ZCWPW2: variants seen among roughly 807,000 people sequenced by gnomAD.
ZCWPW2 encodes the protein zinc finger CW-type and PWWP domain containing 2, also known as zinc finger CW-type PWWP domain protein 2.
A neutral mutation model predicts 46.6 loss-of-function variants in ZCWPW2; 45 were observed. The ratio of observed to expected loss-of-function variants is 0.96; its 90% CI spans 0.76 to 1.24. The LOEUF is 1.24. Ranked by LOEUF, ZCWPW2 falls within the 50% of genes most tolerant of loss-of-function variation. The pLI is 0.00. For synonymous variants in ZCWPW2, 152 were observed against 137.1 expected (o/e 1.11, Z -0.76); for missense variants, 429 against 403.9 (o/e 1.06, Z -0.53).
chr3:28,424,098 C>T (rs59975750), intron 3 of ZCWPW2, among the ~76,000 whole-genome samples: 32,569 of 151,928 alleles, frequency 0.21, 4,287 homozygotes, highest in Non-Finnish European at 0.29. Flanking sequence ...TTTTACATTG[C>T]GTTTTTCAAC....
intron 3 of ZCWPW2, 108 bp from the exon 4 acceptor site, chr3:28,435,002 G>C: frequency 1.7e-6 from 2 of 1,172,018 alleles, no homozygotes; most frequent in Non-Finnish European, 2.4e-6. Context: ...TATGTTTTGT[G>C]AAAAGGCATT....
chr3:28,425,461 G>C (rs1696968645), intron 3 of ZCWPW2, among the ~76,000 whole-genome samples: 1 of 152,182 alleles, frequency 6.6e-6, no homozygotes, highest in South Asian at 2.1e-4. Context: ...AGCCATAGAT[G>C]TTGAAGCTCC....
intron 1 of ZCWPW2, among the ~76,000 whole-genome samples, chr3:28,359,304 T>G (rs759325669): frequency 2.0e-5 from 3 of 152,124 alleles, no homozygotes; most frequent in Non-Finnish European, 4.4e-5. Context: ...TTGTATTCAT[T>G]AAGTTTGAAC....
intron 6 of ZCWPW2, among the ~76,000 whole-genome samples, chr3:28,497,544 G>A (rs1399889362): frequency 6.6e-6 from 1 of 151,518 alleles, no homozygotes; most frequent in Admixed American, 6.6e-5. Flanking sequence ...TATTTCTATA[G>A]GATAGATCCC....
chr3:28,438,834 GA>G (rs1244973596), intron 4 of ZCWPW2, among the ~76,000 whole-genome samples: 1 of 151,902 alleles, frequency 6.6e-6, no homozygotes, highest in Non-Finnish European at 1.5e-5. Flanking sequence ...TAAGGAATTA[GA>G]AAACCTATAA....
chr3:28,355,464 A>G (rs1237284140), intron 1 of ZCWPW2, among the ~76,000 whole-genome samples: 1 of 152,268 alleles, frequency 6.6e-6, no homozygotes, highest in East Asian at 1.9e-4. Context: ...CCATCAAGCT[A>G]CTAATGACTT....
chr3:28,469,649 A>C (rs2125795408), intron 4 of ZCWPW2, among the ~76,000 whole-genome samples: 1 of 152,036 alleles, frequency 6.6e-6, no homozygotes, highest in East Asian at 1.9e-4. Flanking sequence ...ATGATAAAGG[A>C]GTTCATTCAT....
intron 2 of ZCWPW2, among the ~76,000 whole-genome samples, chr3:28,393,162 A>G (rs186158264): frequency 2.1e-4 from 32 of 152,228 alleles, no homozygotes; most frequent in Middle Eastern, 3.4e-3. Flanking sequence ...AGAAACTACT[A>G]TGAACAATTA....
chr3:28,367,136 C>G (rs955783637), intron 1 of ZCWPW2, among the ~76,000 whole-genome samples: 53 of 152,248 alleles, frequency 3.5e-4, no homozygotes, highest in African/African-American at 1.1e-3. Flanking sequence ...TTTTGTGTCT[C>G]TCTTTCCTTC....
intron 5 of ZCWPW2, among the ~76,000 whole-genome samples, chr3:28,490,531 G>A (rs112956389): frequency 4.7e-4 from 71 of 152,186 alleles, no homozygotes; most frequent in African/African-American, 1.6e-3. Flanking sequence ...ACATGTTTGG[G>A]ACTGGAGGCC....
chr3:28,397,618 C>T (rs1191226479), intron 2 of ZCWPW2, among the ~76,000 whole-genome samples: 2 of 151,946 alleles, frequency 1.3e-5, no homozygotes, highest in African/African-American at 4.8e-5. Flanking sequence ...TTCGGTGAGC[C>T]AAGATAGCAT....
In ZCWPW2 at chr3:28,381,054, A is replaced by ATATATATATATTTGGTG. The variant is rs1695084906; in HGVS notation, c.-133-9433_-133-9432insTTGGTGTATATATATAT. 2.4e-4 allele frequency among the ~76,000 whole-genome samples: 14 copies of ATATATATATATTTGGTG among 58,346 alleles called. 5 individuals are homozygous for ATATATATATATTTGGTG. The highest frequency in any genetic ancestry group is 1.0e-3 in the African/African-American group (12 of 11,740). The allele number at this position is 58,346 out of a possible 152,430, so 38.3% of individuals were successfully genotyped here. A position where few individuals can be genotyped will look rare whatever the true frequency, so the allele number is the denominator to read the frequency against. On this transcript the variant is annotated intron_variant, in intron 1 of 9. Transcript: ENST00000383768. The stretch of plus-strand genomic sequence containing the variant: ...ATATATATATATATATTTGGTGTAT[A>ATATATATATATTTGGTG]TATATATATATATATATATATATAT...
intron 5 of ZCWPW2, among the ~76,000 whole-genome samples, chr3:28,487,182 TG>T (rs59548775): frequency 1.3e-3 from 201 of 152,272 alleles, no homozygotes; most frequent in African/African-American, 4.7e-3. Context: ...GTTATTATTG[TG>T]TCAAATTTTT....
At chr3:28,426,903 GC>G (rs1324103587) in intron 3 of ZCWPW2, among the ~76,000 whole-genome samples, 3 of 152,116 alleles carry the variant, frequency 2.0e-5, no homozygotes, top group Non-Finnish European at 4.4e-5. Flanking sequence ...TTCTATGGGG[GC>G]AATAATTGTC....
At chr3:28,513,253 T>C (rs1218750991) in intron 6 of ZCWPW2, among the ~76,000 whole-genome samples, 7 of 152,234 alleles carry the variant, frequency 4.6e-5, no homozygotes, top group Non-Finnish European at 7.3e-5. Context: ...ATTTTTACAT[T>C]AATTTCTTGG....
At chr3:28,376,242 A>T (rs755900937) in intron 1 of ZCWPW2, among the ~76,000 whole-genome samples, 6 of 152,136 alleles carry the variant, frequency 3.9e-5, no homozygotes, top group Non-Finnish European at 8.8e-5. Flanking sequence ...TTACAAAAAC[A>T]TCTTATAGAT....
intron 6 of ZCWPW2, among the ~76,000 whole-genome samples, chr3:28,494,899 C>T (rs1699934615): frequency 6.8e-6 from 1 of 146,098 alleles, no homozygotes; most frequent in Non-Finnish European, 1.5e-5. Context: ...TCAAGGAGAA[C>T]TACAAACCAC....
At chr3:28,459,946 A>ACAAAGCT in intron 4 of ZCWPW2, among the ~76,000 whole-genome samples, 1 of 152,198 alleles carries the variant, frequency 6.6e-6, no homozygotes, top group Non-Finnish European at 1.5e-5. Flanking sequence ...CTAGGTGAAT[A>ACAAAGCT]CAAAGCTTAA....
At chr3:28,358,133 T>C (rs1704810170) in intron 1 of ZCWPW2, among the ~76,000 whole-genome samples, 1 of 152,096 alleles carries the variant, frequency 6.6e-6, no homozygotes, top group Non-Finnish European at 1.5e-5. Flanking sequence ...ACTCCTTAGC[T>C]GTCTGAACTA....
Sources: gnomAD v4.1 joint callset for allele counts (sites outside exome capture counted in the v4.1 genomes callset) on GRCh38, gnomAD v4.1.1 for gene constraint, MANE v1.5 for transcripts, NCBI Gene and HGNC (gene_info 2026-07-23, HGNC 2026-07-21) for gene names.